FGGY: variants seen among roughly 807,000 people sequenced by gnomAD.
The protein encoded by FGGY is FGGY carbohydrate kinase domain-containing protein.
In FGGY, 72 loss-of-function variants were observed where a neutral mutation model predicts 71.3. That is an observed-to-expected ratio of 1.01 (90% CI 0.84 to 1.23). The LOEUF is 1.23. Ranked by LOEUF, FGGY falls within the 50% of genes most tolerant of loss-of-function variation. The pLI, the probability that FGGY is intolerant of heterozygous loss-of-function variation, is 0.00. For missense variants in FGGY, 668 were observed against 682.3 expected, an observed-to-expected ratio of 0.98 and a Z score of 0.23; for synonymous variants, 251 against 250.3, an observed-to-expected ratio of 1.00 and a Z score of -0.02.
intron 15 of FGGY, among the ~76,000 whole-genome samples, chr1:59,760,959 C>T (rs1022190471): frequency 2.0e-5 from 3 of 152,266 alleles, no homozygotes; most frequent in Middle Eastern, 6.8e-3. Flanking sequence ...TTTGGATGCT[C>T]ATAGAGTAGG....
At chr1:59,721,335 T>TTG (rs1016211846) in intron 14 of FGGY, among the ~76,000 whole-genome samples, 4 of 89,382 alleles carry the variant, frequency 4.5e-5, no homozygotes, top group African/African-American at 3.7e-5. Context: ...TTTCTTTCCT[T>TTG]TGTTTTTTTT....
intron 3 of FGGY, among the ~76,000 whole-genome samples, chr1:59,343,281 G>T (rs959454196): frequency 6.6e-6 from 1 of 152,200 alleles, no homozygotes; most frequent in Admixed American, 6.5e-5. Context: ...TAGGTAAAGT[G>T]AGGTAGCTCA....
At chr1:59,304,920 C>T (rs2043232406) in intron 1 of FGGY, among the ~76,000 whole-genome samples, 2 of 151,970 alleles carry the variant, frequency 1.3e-5, no homozygotes, top group Admixed American at 1.3e-4. Flanking sequence ...TTTTATTCTA[C>T]AGCTTTATTG....
chr1:59,651,088 T>C (rs930115333), intron 11 of FGGY, among the ~76,000 whole-genome samples: 2 of 151,640 alleles, frequency 1.3e-5, no homozygotes, highest in Non-Finnish European at 2.9e-5. Context: ...TCCTGAGTTC[T>C]AGTTTGATTG....
At chr1:59,720,756 A>G (rs193131121) in intron 14 of FGGY, among the ~76,000 whole-genome samples, 1 of 151,726 alleles carries the variant, frequency 6.6e-6, no homozygotes, top group African/African-American at 2.4e-5. Flanking sequence ...GATGACTTTT[A>G]AAAAAAGGCT....
intron 9 of FGGY, among the ~76,000 whole-genome samples, chr1:59,624,642 AGGCGAAAGGCATGTCTAACAT>A (rs2096840220): frequency 6.6e-6 from 1 of 152,154 alleles, no homozygotes; most frequent in South Asian, 2.1e-4. Context: ...TCATAGCAGA[AGGCGAAAGGCATGTCTAACAT>A]GGCGGCAGGC....
At chr1:59,751,885 G>A (rs1186090744) in intron 14 of FGGY, among the ~76,000 whole-genome samples, 1 of 152,170 alleles carries the variant, frequency 6.6e-6, no homozygotes, top group South Asian at 2.1e-4. Context: ...TCCATTTTGT[G>A]AGGGTTAGTT....
chr1:59,544,534 G>C (rs1053613201), intron 7 of FGGY, among the ~76,000 whole-genome samples: 15 of 152,134 alleles, frequency 9.9e-5, no homozygotes, highest in African/African-American at 3.6e-4. Context: ...AAAGGTAAGA[G>C]TGACCTCTAT....
chr1:59,606,363 T>C (rs1017912562), intron 8 of FGGY, among the ~76,000 whole-genome samples: 6 of 152,258 alleles, frequency 3.9e-5, no homozygotes, highest in African/African-American at 1.4e-4. Flanking sequence ...TGAGAACAAG[T>C]TAGGGAAAAA....
At position 59,729,330 on chromosome 1, in the gene FGGY, A is replaced by T. The variant is rs190995948; in HGVS notation, c.1513-28601A>T. On this transcript the variant is annotated intron_variant, in intron 14 of 15. Coordinates refer to ENST00000303721, the MANE Select transcript of FGGY (RefSeq NM_018291.5). The stretch of plus-strand genomic sequence containing the variant: ...TTATTAATCATAGTTGCATTAAATT[A>T]TCTGATAATTCTAACATTTGTGTTA... Among the ~76,000 whole-genome samples, 434 of 152,262 alleles carry T rather than the reference A, an allele frequency of 2.9e-3. 2 individuals are homozygous for T. Among genetic ancestry groups the T allele is most frequent in the African/African-American group, 9.9e-3 (411 of 41,550 alleles).
intron 8 of FGGY, among the ~76,000 whole-genome samples, chr1:59,589,436 C>A (rs1241779469): frequency 1.3e-5 from 2 of 152,122 alleles, no homozygotes; most frequent in African/African-American, 4.8e-5. Flanking sequence ...ACCAAGCGGA[C>A]CTAATAGACA....
chr1:59,686,189 G>T (rs2097542641), intron 14 of FGGY, among the ~76,000 whole-genome samples: 1 of 152,132 alleles, frequency 6.6e-6, no homozygotes, highest in Admixed American at 6.5e-5. Context: ...TACCCAGTTT[G>T]GTAGAGAGAT....
intron 1 of FGGY, among the ~76,000 whole-genome samples, chr1:59,312,259 A>G (rs937033916): frequency 6.6e-6 from 1 of 152,170 alleles, no homozygotes; most frequent in Non-Finnish European, 1.5e-5. Flanking sequence ...TAGTTTAATT[A>G]GTTCCCATCT....
At chr1:59,652,198 T>G (rs1417620862) in intron 11 of FGGY, among the ~76,000 whole-genome samples, 1 of 150,916 alleles carries the variant, frequency 6.6e-6, no homozygotes, top group Non-Finnish European at 1.5e-5. Context: ...TTTTCCTTCA[T>G]TTCAACTTTG....
chr1:59,308,409 T>C (rs1488074513), intron 1 of FGGY, among the ~76,000 whole-genome samples: 2 of 152,214 alleles, frequency 1.3e-5, no homozygotes, highest in Admixed American at 6.5e-5. Flanking sequence ...TAGCTGCTCA[T>C]TGAGAACATT....
chr1:59,428,367 T>C (rs1035580558), intron 5 of FGGY, among the ~76,000 whole-genome samples: 1 of 152,218 alleles, frequency 6.6e-6, no homozygotes, highest in Non-Finnish European at 1.5e-5. Context: ...TAATAGGTGA[T>C]GGAGCTGGAA....
Position 59,534,430 on chromosome 1 carries a change from C to T in FGGY, c.800-19694C>T, listed in dbSNP as rs1427506517. ...CTGCAGGATATTATCCAGGAGAACT[C>T]CCCCAATCTAGCAAGGCAGGCCAAC... On this transcript the variant is annotated intron_variant, in intron 7 of 15. Coordinates refer to ENST00000303721, the MANE Select transcript of FGGY (RefSeq NM_018291.5). Among the ~76,000 whole-genome samples the T allele has an allele frequency of 2.9e-3, 442 of 152,128 alleles. 1 individual carries two copies. The highest frequency in any genetic ancestry group is 0.014 in the Middle Eastern group (4 of 294).
intron 1 of FGGY, among the ~76,000 whole-genome samples, chr1:59,304,827 C>A (rs1234436896): frequency 6.6e-6 from 1 of 151,916 alleles, no homozygotes; most frequent in Non-Finnish European, 1.5e-5. Context: ...TTTTGATGCC[C>A]TTCTAAGTGA....
chr1:59,684,037 G>A (rs1266669582), intron 14 of FGGY, among the ~76,000 whole-genome samples: 1 of 152,106 alleles, frequency 6.6e-6, no homozygotes, highest in Non-Finnish European at 1.5e-5. Flanking sequence ...CATGTGTAGG[G>A]GCCTCGATGG....
Sources: gnomAD v4.1 joint callset for allele counts (sites outside exome capture counted in the v4.1 genomes callset) on GRCh38, gnomAD v4.1.1 for gene constraint, MANE v1.5 for transcripts, NCBI Gene and HGNC (gene_info 2026-07-23, HGNC 2026-07-21) for gene names.